The following GALR2 variants were observed in gnomAD, a reference collection of about 807,000 sequenced individuals.
GALR2 encodes galanin receptor type 2.
In GALR2, 5 loss-of-function variants were observed where a neutral mutation model predicts 7.2. That is an observed-to-expected ratio of 0.69 (90% CI 0.36 to 1.45). The LOEUF (loss-of-function observed/expected upper bound fraction) is 1.45, where lower values mean the gene tolerates loss of function less well. GALR2 is among the 40% of genes most tolerant of loss of function. The pLI is 0.03. For synonymous variants in GALR2, 300 were observed against 263.9 expected, an observed-to-expected ratio of 1.14 and a Z score of -1.32; for missense variants, 561 against 555.7, an observed-to-expected ratio of 1.01 and a Z score of -0.10.
chr17:76,072,303 G>A (rs1238170203), upstream of GALR2: 1 of 1,611,804 alleles, frequency 6.2e-7, no homozygotes, highest in Non-Finnish European at 8.5e-7. The surrounding 1 kb of genome is among the most constrained non-coding windows in gnomAD (Gnocchi z 4.5). Flanking sequence ...ATTACTCTAG[G>A]ATACTCTCCA....
At chr17:76,074,170 G>A (rs939925355), upstream of GALR2, among the ~76,000 whole-genome samples, 1 of 151,796 alleles carries the variant, frequency 6.6e-6, no homozygotes, top group Non-Finnish European at 1.5e-5. This position sits in a 1 kb window ranked among gnomAD's most constrained non-coding sequence, Gnocchi z 6.7. Flanking sequence ...CAAAAAACTA[G>A]CCAGACGTTG....
chr17:76,072,441 G>A (rs774192287), upstream of GALR2: 10 of 1,581,722 alleles, frequency 6.3e-6, no homozygotes, highest in South Asian at 1.1e-5. This position sits in a 1 kb window ranked among gnomAD's most constrained non-coding sequence, Gnocchi z 4.5. Flanking sequence ...CACCGCCGCC[G>A]CCACTGCCGC....
upstream of GALR2, chr17:76,072,533 G>T: frequency 6.4e-7 from 1 of 1,557,636 alleles, no homozygotes; most frequent in South Asian, 1.2e-5. This position sits in a 1 kb window ranked among gnomAD's most constrained non-coding sequence, Gnocchi z 4.5. Flanking sequence ...AGGGGAGGCG[G>T]GACGACCTGG....
rs1439513019 is a variant in GALR2, at chr17:76,075,909, C to T, written c.368+658C>T. On this transcript the variant is annotated intron_variant, in intron 1 of 1. Coordinates refer to ENST00000329003, the MANE Select transcript of GALR2 (RefSeq NM_003857.4). This position sits in a 1 kb window ranked among gnomAD's most constrained non-coding sequence, Gnocchi z 5.9. Reference sequence around the variant, plus strand: ...AAACAAGTCGGGGCCGGGAGAGGAGCGTGCCCTGGGGTTCTTCCTCCCCAG... The same window carrying T: ...AAACAAGTCGGGGCCGGGAGAGGAGTGTGCCCTGGGGTTCTTCCTCCCCAG... Among the ~76,000 whole-genome samples, 1 of 152,228 alleles carries T rather than the reference C, an allele frequency of 6.6e-6. No homozygotes were observed. The highest frequency in any genetic ancestry group is 6.5e-5 in the Admixed American group (1 of 15,282).
upstream of GALR2, chr17:76,072,695 G>A: frequency 1.0e-6 from 1 of 997,522 alleles, no homozygotes; most frequent in Non-Finnish European, 1.4e-6. This position sits in a 1 kb window ranked among gnomAD's most constrained non-coding sequence, Gnocchi z 4.5. Flanking sequence ...CTGGCTAGGT[G>A]GGGACTTGAG....
Position 76,077,062 on chromosome 17 carries a change from G to A in GALR2, c.795G>A (p.Pro265=). Residue 265 remains proline (P), a synonymous_variant, in exon 2 of 2, where the codon CCG becomes CCA. Transcript: ENST00000329003. The part of the protein sequence containing the change: ...LILCVWFGQF[P]LTRATYALRI... ...TCTGCGTGTGGTTCGGCCAGTTCCC[G>A]CTCACGCGCGCCACTTATGCGCTTC... 2 of 1,613,002 alleles carry A rather than the reference G, an allele frequency of 1.2e-6. No homozygotes were observed. Among genetic ancestry groups the A allele is most frequent in the Non-Finnish European group, 8.5e-7 (1 of 1,179,900 alleles).
Position 76,077,301 on chromosome 17 carries a change from T to G in GALR2, c.1034T>G (p.Met345Arg). The part of the protein sequence containing the change: ...LERESSDLLH[M>R]SEAAGALRPC... ...CGCGAGTCCAGCGACCTGTTGCACA[T>G]GAGCGAGGCGGCGGGGGCCCTTCGT... Residue 345 changes from methionine (M) to arginine (R), a missense_variant, in exon 2 of 2, where the codon ATG becomes AGG. Transcript: ENST00000329003. 3 of 1,592,450 alleles carry G rather than the reference T, an allele frequency of 1.9e-6. No homozygotes were observed. The highest frequency in any genetic ancestry group is 2.6e-6 in the Non-Finnish European group (3 of 1,175,474).
chr17:76,076,693 G>T lies in GALR2; in HGVS notation c.426G>T (p.Ala142=), dbSNP rs778279655. The T allele has an allele frequency of 5.0e-6, 8 of 1,601,682 alleles. No individual in the cohort carries two copies. In the Admixed American group the frequency reaches 6.7e-5, roughly 13 times the overall value. ...HSRELRTPRN[A]LAAIGLIWGL... ...GCGAGCTGCGCACGCCTCGAAACGCGCTGGCAGCCATCGGGCTCATCTGGG... is the reference window on the plus strand; with the variant it reads ...GCGAGCTGCGCACGCCTCGAAACGCTCTGGCAGCCATCGGGCTCATCTGGG... Residue 142 remains alanine (A), a synonymous_variant, in exon 2 of 2, where the codon GCG becomes GCT. Coordinates refer to ENST00000329003, the MANE Select transcript of GALR2 (RefSeq NM_003857.4). This position sits in a 1 kb window ranked among gnomAD's most constrained non-coding sequence, Gnocchi z 6.5.
chr17:76,076,653 A>G lies in GALR2; in HGVS notation c.386A>G (p.Tyr129Cys). The change falls in exon 2 of 2, where the codon TAC becomes TGC. Residue 129 changes from tyrosine (Y) to cysteine (C), a missense_variant. Physicochemically the swap from Tyr to Cys is radical, Grantham distance 194 (BLOSUM62 -2). Transcript: ENST00000329003. The surrounding 1 kb of genome is among the most constrained non-coding windows in gnomAD (Gnocchi z 6.5). ...GACCGCAGGTATCTGGCCATCCGCT[A>G]CCCGCTGCACTCCCGCGAGCTGCGC... ...VSLDRYLAIR[Y>C]PLHSRELRTP... 6.3e-7 allele frequency: 1 copy of G among 1,587,304 alleles called. No homozygotes were observed. Among genetic ancestry groups the G allele is most frequent in the Non-Finnish European group, 8.5e-7 (1 of 1,171,288 alleles).
Position 76,076,720 on chromosome 17 carries a change from G to T in GALR2, c.453G>T (p.Gly151=). 6.2e-7 allele frequency: 1 copy of T among 1,604,432 alleles called. No homozygotes were observed. Among genetic ancestry groups the T allele is most frequent in the Non-Finnish European group, 8.5e-7 (1 of 1,179,648 alleles). The change falls in exon 2 of 2, where the codon GGG becomes GGT. Residue 151 remains glycine (G), a synonymous_variant. Coordinates refer to ENST00000329003, the MANE Select transcript of GALR2 (RefSeq NM_003857.4). This position sits in a 1 kb window ranked among gnomAD's most constrained non-coding sequence, Gnocchi z 6.5. ...NALAAIGLIW[G]LSLLFSGPYL... is the part of the protein sequence containing the mutation. ...TGGCAGCCATCGGGCTCATCTGGGG[G>T]CTGTCGCTGCTCTTCTCCGGGCCCT...
At chr17:76,072,774 A>G (rs2066867296), upstream of GALR2, 1 of 562,236 alleles carries the variant, frequency 1.8e-6, no homozygotes, top group Non-Finnish European at 3.0e-6. This position sits in a 1 kb window ranked among gnomAD's most constrained non-coding sequence, Gnocchi z 4.5. Flanking sequence ...AAGGGCGGAG[A>G]ACCGGAGGTG....
In GALR2 at chr17:76,076,843, C is replaced by T. The variant is rs769606264; in HGVS notation, c.576C>T (p.Phe192=). The change falls in exon 2 of 2, where the codon TTC becomes TTT. Residue 192 remains phenylalanine, a synonymous_variant. Transcript: ENST00000329003. This position sits in a 1 kb window ranked among gnomAD's most constrained non-coding sequence, Gnocchi z 6.5. ...PRRRAMDICT[F]VFSYLLPVLV... ...GCCGCGCCATGGACATCTGCACCTT[C>T]GTCTTCAGCTACCTGCTTCCTGTGC... 4 of 1,605,040 alleles carry T rather than the reference C, an allele frequency of 2.5e-6. No homozygotes were observed. The highest frequency in any genetic ancestry group is 3.4e-6 in the Non-Finnish European group (4 of 1,179,510).
rs1213504494 is a variant in GALR2, at chr17:76,075,019, G to A, written c.136G>A (p.Val46Met). The A allele has an allele frequency of 6.2e-7, 1 of 1,609,480 alleles. No homozygotes were observed. The highest frequency in any genetic ancestry group is 8.5e-7 in the Non-Finnish European group (1 of 1,179,922). Residue 46 changes from valine (V) to methionine (M), a missense_variant, in exon 1 of 2, where the codon GTG becomes ATG. Coordinates refer to ENST00000329003, the MANE Select transcript of GALR2 (RefSeq NM_003857.4). This position sits in a 1 kb window ranked among gnomAD's most constrained non-coding sequence, Gnocchi z 5.9. ...FLVGTVGNTL[V>M]LAVLLRGGQA... The stretch of plus-strand genomic sequence containing the variant: ...CGTGGGCACCGTGGGCAACACGCTG[G>A]TGCTGGCGGTGCTGCTGCGCGGCGG...
chr17:76,076,677 G>C lies in GALR2; in HGVS notation c.410G>C (p.Arg137Pro). ...TACCCGCTGCACTCCCGCGAGCTGC[G>C]CACGCCTCGAAACGCGCTGGCAGCC... ...IRYPLHSREL[R>P]TPRNALAAIG... is the part of the protein sequence containing the mutation. The change falls in exon 2 of 2, where the codon CGC becomes CCC. Residue 137 changes from arginine to proline, a missense_variant. Physicochemically the swap from Arg to Pro is moderately radical, Grantham distance 103 (BLOSUM62 -2). Coordinates refer to ENST00000329003, the MANE Select transcript of GALR2 (RefSeq NM_003857.4). This position sits in a 1 kb window ranked among gnomAD's most constrained non-coding sequence, Gnocchi z 6.5. 1.9e-6 allele frequency: 3 copies of C among 1,598,552 alleles called. No homozygotes were observed. The highest frequency in any genetic ancestry group is 2.5e-6 in the Non-Finnish European group (3 of 1,177,568).
chr17:76,072,428 TGCCACCGCCGCCGCCACTGCCGCC>T (rs770666092), upstream of GALR2: 15 of 1,585,624 alleles, frequency 9.5e-6, no homozygotes, highest in African/African-American at 1.4e-5. This position sits in a 1 kb window ranked among gnomAD's most constrained non-coding sequence, Gnocchi z 4.5. Context: ...CCGCCGCCAC[TGCCACCGCCGCCGCCACTGCCGCC>T]GCCGCCGCCG....
chr17:76,077,061 C>T lies in GALR2; in HGVS notation c.794C>T (p.Pro265Leu), dbSNP rs550086254. Residue 265 changes from proline (P) to leucine (L), a missense_variant, in exon 2 of 2, where the codon CCG (proline) becomes CTG (leucine). By Grantham distance (98) the Pro-to-Leu change is moderately conservative (BLOSUM62 -3). Transcript: ENST00000329003. ...LILCVWFGQF[P>L]LTRATYALRI... ...CTCTGCGTGTGGTTCGGCCAGTTCC[C>T]GCTCACGCGCGCCACTTATGCGCTT... The T allele has an allele frequency of 1.2e-6, 2 of 1,612,926 alleles. No homozygotes were observed. The highest frequency in any genetic ancestry group is 2.2e-5 in the East Asian group (1 of 44,890).
chr17:76,073,994 A>G (rs2066874699), upstream of GALR2, among the ~76,000 whole-genome samples: 1 of 152,080 alleles, frequency 6.6e-6, no homozygotes, highest in African/African-American at 2.4e-5. Flanking sequence ...AAAAATACGA[A>G]AATAAGCCAG....
At chr17:76,074,672 C>T, upstream of GALR2, 3 of 557,470 alleles carry the variant, frequency 5.4e-6, no homozygotes, top group Non-Finnish European at 9.3e-6. This position sits in a 1 kb window ranked among gnomAD's most constrained non-coding sequence, Gnocchi z 6.7. Flanking sequence ...CGCCGCCGGC[C>T]GCTGCTGGGG....
In GALR2 at chr17:76,076,789, G is replaced by GT; in HGVS notation, c.523dup (p.Cys175LeufsTer211). Reference sequence around the variant, plus strand: ...AGTCGCAGCTGGCCAACCTGACCGTGTGCCATCCCGCGTGGAGCGCCCCTC... The same window carrying GT: ...AGTCGCAGCTGGCCAACCTGACCGTGTTGCCATCCCGCGTGGAGCGCCCCTC... On this transcript the variant is annotated frameshift_variant, in exon 2 of 2. Coordinates refer to ENST00000329003, the MANE Select transcript of GALR2 (RefSeq NM_003857.4). LOFTEE classifies it low-confidence loss of function (END_TRUNC). The surrounding 1 kb of genome is among the most constrained non-coding windows in gnomAD (Gnocchi z 6.5). 6.2e-7 allele frequency: 1 copy of GT among 1,606,108 alleles called. No individual in the cohort carries two copies. The highest frequency in any genetic ancestry group is 8.5e-7 in the Non-Finnish European group (1 of 1,179,842).
Sources: gnomAD v4.1 joint callset for allele counts (sites outside exome capture counted in the v4.1 genomes callset) on GRCh38, gnomAD v4.1.1 for gene constraint, Gnocchi (gnomAD v3.1) non-coding constraint, MANE v1.5 for transcripts, NCBI Gene and HGNC (gene_info 2026-07-23, HGNC 2026-07-21) for gene names.